Variants in ZBTB20 observed in about 807,000 individuals in gnomAD.
ZBTB20 encodes zinc finger and BTB domain containing 20, also known as zinc finger and BTB domain-containing protein 20.
In ZBTB20, 9 loss-of-function variants were observed where a neutral mutation model predicts 56.9. That is an observed-to-expected ratio of 0.16 (90% CI 0.10 to 0.28). ZBTB20 has a LOEUF of 0.28. Ranked by LOEUF, ZBTB20 falls within the 10% of genes least tolerant of loss-of-function variation. The probability of loss-of-function intolerance (pLI) is 1.00; values close to 1 mark genes in which losing one functional copy is unlikely to be tolerated. For missense variants in ZBTB20, 655 were observed against 1,003.0 expected (o/e 0.65, Z 4.69); for synonymous variants, 417 against 420.7 (o/e 0.99, Z 0.11).
At chr3:114,434,110 G>A in intron 7 of ZBTB20, among the ~76,000 whole-genome samples, 1 of 152,170 alleles carries the variant, frequency 6.6e-6, no homozygotes, top group Non-Finnish European at 1.5e-5. Context: ...CACCCTGCTA[G>A]AAGTTGGCAT....
At chr3:114,643,689 T>C (rs2059681332) in intron 6 of ZBTB20, among the ~76,000 whole-genome samples, 1 of 152,048 alleles carries the variant, frequency 6.6e-6, no homozygotes. Flanking sequence ...TCCCCAGAGG[T>C]ATTGAAATTT....
intron 5 of ZBTB20, among the ~76,000 whole-genome samples, chr3:114,737,342 T>A (rs975902870): frequency 1.3e-5 from 2 of 152,168 alleles, no homozygotes; most frequent in African/African-American, 4.8e-5. Context: ...CTCTCTATTT[T>A]CAAGAGCATT....
intron 6 of ZBTB20, among the ~76,000 whole-genome samples, chr3:114,661,268 G>A (rs2060705867): frequency 6.6e-6 from 1 of 152,042 alleles, no homozygotes; most frequent in Non-Finnish European, 1.5e-5. Context: ...CACAAAAAAA[G>A]GGTAAGAAAG....
intron 4 of ZBTB20, among the ~76,000 whole-genome samples, chr3:114,859,286 T>TCC (rs1313553152): frequency 1.0e-4 from 3 of 28,648 alleles, no homozygotes; most frequent in East Asian, 5.2e-3. Flanking sequence ...CTTCCTTCCT[T>TCC]TCTTCCTTCC....
intron 4 of ZBTB20, among the ~76,000 whole-genome samples, chr3:114,817,702 T>G (rs1378717455): frequency 6.6e-6 from 1 of 152,122 alleles, no homozygotes; most frequent in African/African-American, 2.4e-5. Context: ...GTATGACTTA[T>G]GTTTTCTGTG....
intron 3 of ZBTB20, among the ~76,000 whole-genome samples, chr3:114,942,104 G>C (rs1276029047): frequency 6.9e-6 from 1 of 145,232 alleles, no homozygotes; most frequent in Admixed American, 6.6e-5. Flanking sequence ...AAGGAACCTA[G>C]CACCATTATG....
chr3:114,927,965 C>T (rs961355761), intron 3 of ZBTB20, among the ~76,000 whole-genome samples: 1 of 152,198 alleles, frequency 6.6e-6, no homozygotes, highest in African/African-American at 2.4e-5. Context: ...GGATGTAACA[C>T]TATTAGGTTA....
intron 6 of ZBTB20, among the ~76,000 whole-genome samples, chr3:114,623,157 G>T (rs1437630057): frequency 6.6e-6 from 1 of 152,168 alleles, no homozygotes; most frequent in African/African-American, 2.4e-5. Flanking sequence ...ACTAGGCAGG[G>T]ACCTGATGGT....
At chr3:114,801,543 T>C (rs1477615777) in intron 4 of ZBTB20, among the ~76,000 whole-genome samples, 1 of 151,644 alleles carries the variant, frequency 6.6e-6, no homozygotes, top group East Asian at 1.9e-4. Flanking sequence ...GCCTAAAGAT[T>C]ACAGAAAATA....
At chr3:114,916,341 A>G (rs921981074) in intron 3 of ZBTB20, among the ~76,000 whole-genome samples, 14 of 152,098 alleles carry the variant, frequency 9.2e-5, no homozygotes, top group Admixed American at 2.6e-4. Flanking sequence ...TTGTCTTGAA[A>G]TCTGTATTGT....
At chr3:115,135,744 A>G (rs1351033892) in intron 1 of ZBTB20, among the ~76,000 whole-genome samples, 2 of 152,174 alleles carry the variant, frequency 1.3e-5, no homozygotes, top group African/African-American at 4.8e-5. Context: ...TTCACAACCC[A>G]ACTACCTTTT....
At chr3:115,088,219 A>G (rs1243048790) in intron 1 of ZBTB20, among the ~76,000 whole-genome samples, 6 of 151,872 alleles carry the variant, frequency 4.0e-5, no homozygotes, top group Non-Finnish European at 7.4e-5. Flanking sequence ...TAATTTCTAC[A>G]TCTGAAAAAG....
chr3:114,542,566 T>G (rs1023969332), intron 6 of ZBTB20, among the ~76,000 whole-genome samples: 9 of 152,068 alleles, frequency 5.9e-5, no homozygotes, highest in African/African-American at 2.2e-4. Flanking sequence ...GAAGGGAGAA[T>G]GGAGGTTGTG....
chr3:114,955,011 C>T (rs1444721272), intron 3 of ZBTB20, among the ~76,000 whole-genome samples: 3 of 152,168 alleles, frequency 2.0e-5, no homozygotes, highest in Non-Finnish European at 4.4e-5. Flanking sequence ...CCAAGTAGAA[C>T]TTTGAAGTTC....
chr3:115,032,787 C>G (rs753045729), intron 2 of ZBTB20, among the ~76,000 whole-genome samples: 25 of 150,674 alleles, frequency 1.7e-4, no homozygotes, highest in Non-Finnish European at 3.3e-4. Context: ...AAAAAGAAAT[C>G]ACAAGAGAAA....
intron 3 of ZBTB20, among the ~76,000 whole-genome samples, chr3:114,931,965 G>A (rs2076376899): frequency 6.6e-6 from 1 of 152,198 alleles, no homozygotes; most frequent in South Asian, 2.1e-4. Flanking sequence ...CTTTTGTGAT[G>A]CCACACGTCA....
chr3:114,616,256 G>C (rs991381822), intron 6 of ZBTB20, among the ~76,000 whole-genome samples: 6 of 152,168 alleles, frequency 3.9e-5, no homozygotes, highest in Non-Finnish European at 7.3e-5. Context: ...ACAAGCTTTA[G>C]AAAGATCAGA....
At chr3:114,753,397 A>G (rs1425045378) in intron 5 of ZBTB20, among the ~76,000 whole-genome samples, 7 of 142,242 alleles carry the variant, frequency 4.9e-5, no homozygotes, top group African/African-American at 1.9e-4. Context: ...ACATGTATGT[A>G]TATATATACA....
Position 114,339,702 on chromosome 3 carries a change from C to T in ZBTB20, c.1805-276G>A, listed in dbSNP as rs150179797. Reference sequence around the variant, plus strand: ...TTCTTGGAAAGCTACCAGATATTCCCCACTAAAAGTCTTCAAGGTCACTCC... The same window carrying T: ...TTCTTGGAAAGCTACCAGATATTCCTCACTAAAAGTCTTCAAGGTCACTCC... On this transcript the variant is annotated intron_variant, in intron 11 of 11. Coordinates refer to ENST00000675478, the MANE Select transcript of ZBTB20 (RefSeq NM_001348800.3). The surrounding 1 kb of genome is among the most constrained non-coding windows in gnomAD (Gnocchi z 4.2). Among the ~76,000 whole-genome samples, 6 of 152,270 alleles carry T rather than the reference C, an allele frequency of 3.9e-5. No individual in the cohort carries two copies. In the East Asian group the frequency reaches 1.2e-3, roughly 29 times the overall value.
Sources: allele counts gnomAD v4.1 joint callset (sites outside exome capture counted in the v4.1 genomes callset), GRCh38; gene constraint gnomAD v4.1.1; non-coding constraint Gnocchi (gnomAD v3.1); transcripts MANE v1.5; gene names NCBI Gene and HGNC (gene_info 2026-07-23, HGNC 2026-07-21).